SYNDIG1: variants seen among roughly 807,000 people sequenced by gnomAD.
SYNDIG1 encodes synapse differentiation-inducing gene protein 1.
In SYNDIG1, 9 loss-of-function variants were observed where a neutral mutation model predicts 19.4. The ratio of observed to expected loss-of-function variants is 0.46; its 90% confidence interval spans 0.28 to 0.81. The LOEUF is 0.81. Among genes scored for constraint, SYNDIG1 ranks in the 30% least tolerant of loss-of-function variants. The pLI is 0.12. For missense variants in SYNDIG1, 311 were observed against 343.3 expected, an observed-to-expected ratio of 0.91 and a Z score of 0.74; for synonymous variants, 141 against 145.9, an observed-to-expected ratio of 0.97 and a Z score of 0.24.
intron 2 of SYNDIG1, among the ~76,000 whole-genome samples, chr20:24,546,677 C>T (rs2057583965): frequency 6.6e-6 from 1 of 152,216 alleles, no homozygotes; most frequent in Non-Finnish European, 1.5e-5. Context: ...CACAGCCAAG[C>T]TCAGTCAGTG....
chr20:24,535,322 T>C (rs573818445), intron 1 of SYNDIG1, among the ~76,000 whole-genome samples: 16 of 152,354 alleles, frequency 1.1e-4, no homozygotes, highest in African/African-American at 3.8e-4. Context: ...ACCTCATCAC[T>C]AAATGTACAG....
chr20:24,628,174 A>G (rs1056515264), intron 3 of SYNDIG1, among the ~76,000 whole-genome samples: 2 of 152,112 alleles, frequency 1.3e-5, no homozygotes, highest in African/African-American at 4.8e-5. Flanking sequence ...TTATCTGGGA[A>G]GAAAAGAAAA....
At chr20:24,505,419 C>T (rs1415574820) in intron 1 of SYNDIG1, among the ~76,000 whole-genome samples, 1 of 152,170 alleles carries the variant, frequency 6.6e-6, no homozygotes, top group Non-Finnish European at 1.5e-5. Context: ...AAGAGGGGGG[C>T]TCAGAGTGGC....
At chr20:24,592,718 A>G (rs2147081473) in intron 3 of SYNDIG1, among the ~76,000 whole-genome samples, 1 of 152,240 alleles carries the variant, frequency 6.6e-6, no homozygotes, top group South Asian at 2.1e-4. Flanking sequence ...AACTCAACCT[A>G]TCCTCACACC....
intron 1 of SYNDIG1, among the ~76,000 whole-genome samples, chr20:24,538,131 A>C (rs1175840308): frequency 6.6e-6 from 1 of 152,144 alleles, no homozygotes; most frequent in Non-Finnish European, 1.5e-5. Flanking sequence ...TAAAATCTAC[A>C]ATCTTAACAA....
At position 24,479,774 on chromosome 20, in the gene SYNDIG1, C is replaced by G. The variant is rs2055743997; in HGVS notation, c.-79+10021C>G. ...GGACTGCCAGGAGAGTGAGCTGTCT[C>G]AAGTGCAGATCCGCCTCTGGGGCGC... On this transcript the variant is annotated intron_variant, in intron 1 of 3. Transcript: ENST00000376862. Among the ~76,000 whole-genome samples the G allele has an allele frequency of 3.9e-5, 6 of 152,300 alleles. No individual in the cohort carries two copies. In the South Asian group the frequency reaches 1.2e-3, roughly 32 times the overall value.
At chr20:24,644,446 A>G (rs2059405539) in intron 3 of SYNDIG1, among the ~76,000 whole-genome samples, 2 of 152,190 alleles carry the variant, frequency 1.3e-5, no homozygotes, top group Non-Finnish European at 2.9e-5. Flanking sequence ...ACTGGGATGC[A>G]CTTAGTGCCT....
At chr20:24,620,211 A>G (rs2059016941) in intron 3 of SYNDIG1, among the ~76,000 whole-genome samples, 1 of 152,210 alleles carries the variant, frequency 6.6e-6, no homozygotes, top group Admixed American at 6.5e-5. Context: ...TATTGCTGCT[A>G]CCCATACATG....
At chr20:24,660,941 C>T (rs56235838) in intron 3 of SYNDIG1, among the ~76,000 whole-genome samples, 8,265 of 152,320 alleles carry the variant, frequency 0.054, 279 homozygotes, top group South Asian at 0.12. Context: ...AGGTAGGAAC[C>T]GGCTGGTCAC....
chr20:24,645,723 G>A (rs1256768337), intron 3 of SYNDIG1, among the ~76,000 whole-genome samples: 1 of 152,222 alleles, frequency 6.6e-6, no homozygotes, highest in Non-Finnish European at 1.5e-5. Flanking sequence ...CTGGGCTAGG[G>A]GGAGACTCAT....
At chr20:24,647,558 G>A (rs2059433867) in intron 3 of SYNDIG1, among the ~76,000 whole-genome samples, 1 of 151,934 alleles carries the variant, frequency 6.6e-6, no homozygotes, top group Non-Finnish European at 1.5e-5. Flanking sequence ...AAAAGGAGAG[G>A]CACTTGTCAA....
intron 1 of SYNDIG1, among the ~76,000 whole-genome samples, chr20:24,499,994 C>T (rs1309438320): frequency 6.6e-6 from 1 of 152,080 alleles, no homozygotes; most frequent in East Asian, 1.9e-4. Context: ...CACTCATCTC[C>T]CCGGATTTAG....
intron 3 of SYNDIG1, among the ~76,000 whole-genome samples, chr20:24,609,818 G>T (rs1427924781): frequency 6.6e-6 from 1 of 152,008 alleles, no homozygotes; most frequent in African/African-American, 2.4e-5. Flanking sequence ...CCTCCATCTG[G>T]ACAGTATCAC....
At chr20:24,652,058 T>A (rs1242263488) in intron 3 of SYNDIG1, among the ~76,000 whole-genome samples, 1 of 152,044 alleles carries the variant, frequency 6.6e-6, no homozygotes, top group African/African-American at 2.4e-5. Context: ...CAGAAAAAAA[T>A]GGTTGTTGTT....
chr20:24,480,943 G>A (rs911728156), intron 1 of SYNDIG1, among the ~76,000 whole-genome samples: 2 of 152,200 alleles, frequency 1.3e-5, no homozygotes, highest in African/African-American at 4.8e-5. Context: ...GAGGCACAAA[G>A]TACAATGGTG....
intron 3 of SYNDIG1, among the ~76,000 whole-genome samples, chr20:24,643,211 A>G (rs975112188): frequency 3.9e-5 from 6 of 152,136 alleles, no homozygotes; most frequent in Admixed American, 6.5e-5. Flanking sequence ...TACTCCAACA[A>G]TGAGAAACCT....
At chr20:24,485,449 A>G (rs764227196) in intron 1 of SYNDIG1, among the ~76,000 whole-genome samples, 4 of 152,146 alleles carry the variant, frequency 2.6e-5, no homozygotes, top group South Asian at 2.1e-4. Context: ...TCTCTCTCCA[A>G]TGTTTTCACT....
Position 24,658,222 on chromosome 20 carries a change from C to T in SYNDIG1, c.619-7124C>T, listed in dbSNP as rs993633767. On this transcript the variant is annotated intron_variant, in intron 3 of 3. Coordinates refer to ENST00000376862, the MANE Select transcript of SYNDIG1 (RefSeq NM_024893.3). This position sits in a 1 kb window ranked among gnomAD's most constrained non-coding sequence, Gnocchi z 4.4. Reference sequence around the variant, plus strand: ...AGCTCATTGGAAACTCCATGAAGAGCGAAGAGAAATGGCAGCCTGTGGGTC... The same window carrying T: ...AGCTCATTGGAAACTCCATGAAGAGTGAAGAGAAATGGCAGCCTGTGGGTC... Among the ~76,000 whole-genome samples the T allele has an allele frequency of 3.9e-5, 6 of 152,112 alleles. No individual in the cohort carries two copies. The highest frequency in any genetic ancestry group is 1.2e-4 in the African/African-American group (5 of 41,416).
intron 1 of SYNDIG1, among the ~76,000 whole-genome samples, chr20:24,522,417 G>A (rs537740765): frequency 6.6e-6 from 1 of 152,274 alleles, no homozygotes; most frequent in South Asian, 2.1e-4. Flanking sequence ...TGATCCGTTA[G>A]CTTTAAATTC....
Sources: allele counts gnomAD v4.1 joint callset (sites outside exome capture counted in the v4.1 genomes callset), GRCh38; gene constraint gnomAD v4.1.1; non-coding constraint Gnocchi (gnomAD v3.1); transcripts MANE v1.5; gene names NCBI Gene and HGNC (gene_info 2026-07-23, HGNC 2026-07-21).